The following SESTD1 variants were observed in gnomAD, a reference collection of about 807,000 sequenced individuals.
SESTD1 encodes SEC14 and spectrin domain containing 1, also known as SEC14 domain and spectrin repeat-containing protein 1.
Under a neutral mutation model 101.7 loss-of-function variants are expected in SESTD1, and 43 were observed. The ratio of observed to expected loss-of-function variants is 0.42; its 90% CI spans 0.33 to 0.55. SESTD1 has a LOEUF of 0.55. SESTD1 is among the 20% of genes least tolerant of loss of function. SESTD1 has a pLI of 0.07. For missense variants in SESTD1, 647 were observed against 815.1 expected (o/e 0.79, Z 2.51); for synonymous variants, 283 against 286.8 (o/e 0.99, Z 0.13).
chr2:179,246,704 A>G (rs756038255), intron 1 of SESTD1, among the ~76,000 whole-genome samples: 2 of 152,240 alleles, frequency 1.3e-5, no homozygotes, highest in Non-Finnish European at 2.9e-5. Flanking sequence ...GACCTGAGCA[A>G]TAAAGCAAAT....
At chr2:179,162,413 T>C (rs768473395) in intron 5 of SESTD1, 5 of 152,190 alleles carry the variant, frequency 3.3e-5, no homozygotes, top group Admixed American at 6.5e-5. Context: ...CTTACTTTGA[T>C]ACTAAAATAT....
At chr2:179,253,931 G>A (rs556722527) in intron 1 of SESTD1, among the ~76,000 whole-genome samples, 12 of 151,586 alleles carry the variant, frequency 7.9e-5, no homozygotes, top group Admixed American at 7.9e-4. Context: ...TAAACCCTGA[G>A]TCTATAAAAA....
At chr2:179,145,940 AAATT>A (rs1454991296) in intron 8 of SESTD1, among the ~76,000 whole-genome samples, 2 of 151,288 alleles carry the variant, frequency 1.3e-5, no homozygotes, top group African/African-American at 4.9e-5. Flanking sequence ...TATAGATAAT[AAATT>A]AAATCCAAAT....
intron 1 of SESTD1, among the ~76,000 whole-genome samples, chr2:179,260,420 G>A (rs1298430044): frequency 6.6e-6 from 1 of 152,170 alleles, no homozygotes; most frequent in Non-Finnish European, 1.5e-5. Flanking sequence ...GGAGGCTGAG[G>A]TGGGTGAATG....
intron 1 of SESTD1, among the ~76,000 whole-genome samples, chr2:179,253,174 G>C (rs1054340889): frequency 2.6e-5 from 4 of 152,004 alleles, no homozygotes; most frequent in Non-Finnish European, 5.9e-5. Flanking sequence ...TTGTTTTTTA[G>C]TGTTTGTGTC....
rs571828348 is a variant in SESTD1, at chr2:179,239,216, T to C, written c.-26+25283A>G. Among the ~76,000 whole-genome samples the C allele has an allele frequency of 2.6e-5, 4 of 152,198 alleles. No homozygotes were observed. In the South Asian group the frequency reaches 8.3e-4, roughly 32 times the overall value. On this transcript the variant is annotated intron_variant, in intron 1 of 17. Transcript: ENST00000428443. ...CTGTACTGTTCCTGCAACCACCTTT[T>C]AAAAAAATGAATAGAGAATTTTTTT...
chr2:179,140,076 G>C (rs532134873), intron 9 of SESTD1, among the ~76,000 whole-genome samples: 6 of 152,104 alleles, frequency 3.9e-5, no homozygotes, highest in Non-Finnish European at 8.8e-5. Flanking sequence ...CGTCCACCTT[G>C]TTGGGAACTC....
At position 179,109,726 on chromosome 2, in the gene SESTD1, G is replaced by A. The variant is rs532447261; in HGVS notation, c.*173C>T. 24 of 707,230 alleles carry A rather than the reference G, an allele frequency of 3.4e-5. No individual in the cohort carries two copies. The highest frequency in any genetic ancestry group is 5.4e-5 in the Non-Finnish European group (24 of 442,548). 43.8% of individuals were successfully genotyped at this position (707,230 alleles called of 1,614,324 possible). On this transcript the variant is annotated 3_prime_UTR_variant, in exon 18 of 18. Coordinates refer to ENST00000428443, the MANE Select transcript of SESTD1 (RefSeq NM_178123.5). ...AATCTACAGCCTCGAAGCATGTTAA[G>A]TAATTATGCCTTGGTAGTAGCAAGG...
chr2:179,223,385 A>C (rs983172860), intron 1 of SESTD1, among the ~76,000 whole-genome samples: 1 of 152,120 alleles, frequency 6.6e-6, no homozygotes, highest in Admixed American at 6.6e-5. Context: ...GAAATCTACT[A>C]AAAATCAATC....
chr2:179,113,348 A>G (rs1249840234), intron 16 of SESTD1, among the ~76,000 whole-genome samples: 4 of 152,210 alleles, frequency 2.6e-5, no homozygotes, highest in African/African-American at 9.6e-5. Context: ...TGATGTGACA[A>G]CTCAGCTAGA....
chr2:179,171,430 T>C (rs1447756654), intron 5 of SESTD1, among the ~76,000 whole-genome samples: 3 of 152,176 alleles, frequency 2.0e-5, no homozygotes, highest in Non-Finnish European at 2.9e-5. Flanking sequence ...ATCTTTATTA[T>C]CTGACTGTAA....
chr2:179,132,233 A>G (rs2045028704), intron 10 of SESTD1, 71 bp downstream of exon 10: 1 of 1,449,842 alleles, frequency 6.9e-7, no homozygotes, highest in Non-Finnish European at 9.0e-7. Flanking sequence ...CTTATCACTC[A>G]GTACCACATA....
rs2044336723 is a variant in SESTD1 at position 179,104,437 on chromosome 2, G to T, written c.*5462C>A. ...TTACCCTAACTTCCAGACTAAAAAA[G>T]AATCTGTAACTGTAATAGAAAAGAA... On this transcript the variant is annotated 3_prime_UTR_variant, in exon 18 of 18. Coordinates refer to ENST00000428443, the MANE Select transcript of SESTD1 (RefSeq NM_178123.5). The T allele has an allele frequency of 6.6e-6, 1 of 152,036 alleles. No homozygotes were observed. Among genetic ancestry groups the T allele is most frequent in the African/African-American group, 2.4e-5 (1 of 41,396 alleles). The allele number at this position is 152,036 out of a possible 1,614,324, so 9.4% of individuals were successfully genotyped here. A position where few individuals can be genotyped will look rare whatever the true frequency, so the allele number is the denominator to read the frequency against.
chr2:179,116,493 C>A (rs1474291883), intron 15 of SESTD1, 175 bp downstream of exon 15: 2 of 944,152 alleles, frequency 2.1e-6, no homozygotes, highest in African/African-American at 3.3e-5. Flanking sequence ...CGTAAACCCT[C>A]TCAAGTTTAT....
At chr2:179,158,312 A>C (rs201334594) in intron 5 of SESTD1, among the ~76,000 whole-genome samples, 1 of 152,284 alleles carries the variant, frequency 6.6e-6, no homozygotes, top group East Asian at 1.9e-4. Flanking sequence ...TATCTTGTCC[A>C]ATGAAGAGCT....
rs572923055 is a variant in SESTD1, at chr2:179,212,598, A to G, written c.-25-20732T>C. 2.2e-5 allele frequency among the ~76,000 whole-genome samples: 3 copies of G among 136,274 alleles called. 1 individual carries two copies. The highest frequency in any genetic ancestry group is 1.4e-4 in the Admixed American group (2 of 14,098). 89.4% of individuals were successfully genotyped at this position (136,274 alleles called of 152,430 possible). A position where few individuals can be genotyped will look rare whatever the true frequency, so the allele number is the denominator to read the frequency against. ...AAGAGGCAGCAGACAACTTCTGCAGACTTACAAGTCCCTGTCTGACAGCTC... is the reference window on the plus strand; with the variant it reads ...AAGAGGCAGCAGACAACTTCTGCAGGCTTACAAGTCCCTGTCTGACAGCTC... On this transcript the variant is annotated intron_variant, in intron 1 of 17. Transcript: ENST00000428443.
rs1250231589 is a variant in SESTD1 at position 179,106,081 on chromosome 2, ACGT to A, written c.*3815_*3817del. 2 of 152,188 alleles carry A rather than the reference ACGT, an allele frequency of 1.3e-5. No homozygotes were observed. Among genetic ancestry groups the A allele is most frequent in the Non-Finnish European group, 2.9e-5 (2 of 68,040 alleles). 9.4% of individuals were successfully genotyped at this position (152,188 alleles called of 1,614,324 possible). A position where few individuals can be genotyped will look rare whatever the true frequency, so the allele number is the denominator to read the frequency against. ...TGAAGCTTTTCATTTTTAGGACTGA[ACGT>A]TAACAATAAGTCTACTAATTAGGTT... On this transcript the variant is annotated 3_prime_UTR_variant, in exon 18 of 18. Coordinates refer to ENST00000428443, the MANE Select transcript of SESTD1 (RefSeq NM_178123.5).
intron 8 of SESTD1, among the ~76,000 whole-genome samples, chr2:179,145,678 T>C (rs767927544): frequency 3.9e-5 from 6 of 152,228 alleles, no homozygotes; most frequent in Non-Finnish European, 5.9e-5. Context: ...TAAGTGTTTT[T>C]ACATCGATGA....
chr2:179,134,886 T>A (rs1407086548), intron 9 of SESTD1, among the ~76,000 whole-genome samples: 2 of 152,216 alleles, frequency 1.3e-5, no homozygotes, highest in African/African-American at 4.8e-5. Context: ...CACCAATTAA[T>A]GATAGTTTGA....
Sources: gnomAD v4.1 joint callset for allele counts (sites outside exome capture counted in the v4.1 genomes callset) on GRCh38, gnomAD v4.1.1 for gene constraint, MANE v1.5 for transcripts, NCBI Gene and HGNC (gene_info 2026-07-23, HGNC 2026-07-21) for gene names.